PXDNL: variants seen among roughly 807,000 people sequenced by gnomAD.
PXDNL encodes peroxidasin like.
A neutral mutation model predicts 150.8 loss-of-function variants in PXDNL; 145 were observed. The observed-to-expected ratio is 0.96, with a 90% CI of 0.84 to 1.10. The LOEUF is 1.10. PXDNL is among the 50% of genes least tolerant of loss of function. The pLI is 0.00. For synonymous variants in PXDNL, 757 were observed against 725.7 expected (o/e 1.04, Z -0.69); for missense variants, 2,087 against 1,873.9 (o/e 1.11, Z -2.10).
At chr8:51,362,610 T>C (rs1304574346) in intron 19 of PXDNL, among the ~76,000 whole-genome samples, 1 of 152,176 alleles carries the variant, frequency 6.6e-6, no homozygotes, top group Non-Finnish European at 1.5e-5. Context: ...GATGATACAA[T>C]ATTTAGGTCT....
chr8:51,494,304 C>T (rs896989504), intron 5 of PXDNL, among the ~76,000 whole-genome samples: 24 of 152,052 alleles, frequency 1.6e-4, no homozygotes, highest in South Asian at 8.3e-4. Flanking sequence ...AAGGAACAAC[C>T]GGCACCACCC....
intron 4 of PXDNL, among the ~76,000 whole-genome samples, chr8:51,500,106 G>A (rs993203987): frequency 5.3e-5 from 8 of 152,176 alleles, no homozygotes; most frequent in Non-Finnish European, 2.9e-5. Flanking sequence ...CAAAGTTACG[G>A]TAATAATTAA....
chr8:51,561,912 C>T (rs935516564), intron 3 of PXDNL, among the ~76,000 whole-genome samples: 8 of 151,786 alleles, frequency 5.3e-5, no homozygotes, highest in African/African-American at 1.7e-4. Context: ...GTTAAACCGA[C>T]ATAAAATCAT....
chr8:51,772,681 G>A (rs2037311539), intron 1 of PXDNL, among the ~76,000 whole-genome samples: 1 of 152,180 alleles, frequency 6.6e-6, no homozygotes, highest in South Asian at 2.1e-4. Flanking sequence ...GTTGTATGAA[G>A]TCTGTGTGGA....
chr8:51,509,741 TACACACAC>T (rs61492447), intron 4 of PXDNL, among the ~76,000 whole-genome samples: 23 of 143,336 alleles, frequency 1.6e-4, no homozygotes, highest in Middle Eastern at 3.6e-3. Flanking sequence ...TATACATATA[TACACACAC>T]ACACACACAC....
intron 19 of PXDNL, among the ~76,000 whole-genome samples, chr8:51,367,178 C>T (rs931131333): frequency 6.7e-5 from 10 of 149,196 alleles, no homozygotes; most frequent in African/African-American, 5.0e-5. Context: ...ATGATGAAAC[C>T]ATTTCAATTT....
intron 8 of PXDNL, among the ~76,000 whole-genome samples, chr8:51,466,046 A>G (rs912039621): frequency 6.6e-6 from 1 of 152,092 alleles, no homozygotes; most frequent in African/African-American, 2.4e-5. Flanking sequence ...GAAAAAAAAA[A>G]CCTATTCTAA....
chr8:51,421,655 T>A (rs1808957441), intron 14 of PXDNL, among the ~76,000 whole-genome samples: 1 of 152,104 alleles, frequency 6.6e-6, no homozygotes. Flanking sequence ...GCCGAGATTG[T>A]GCCCCTGCAC....
chr8:51,399,361 A>G (rs1563392168), intron 17 of PXDNL, among the ~76,000 whole-genome samples: 1 of 152,248 alleles, frequency 6.6e-6, no homozygotes, highest in Non-Finnish European at 1.5e-5. Context: ...GAGTAAACAA[A>G]TATTTGTATA....
chr8:51,332,053 C>A (rs908318952), intron 21 of PXDNL, among the ~76,000 whole-genome samples: 25 of 152,048 alleles, frequency 1.6e-4, no homozygotes, highest in Non-Finnish European at 4.4e-5. Context: ...ACCACCCAAG[C>A]TAAGAAACGT....
chr8:51,594,044 A>G (rs1261382629), intron 2 of PXDNL, among the ~76,000 whole-genome samples: 2 of 152,226 alleles, frequency 1.3e-5, no homozygotes, highest in African/African-American at 4.8e-5. Context: ...TCTATTGTTC[A>G]AAATCAATTA....
intron 7 of PXDNL, 49 bp downstream of exon 7, chr8:51,474,923 A>C: frequency 2.1e-6 from 3 of 1,412,792 alleles, no homozygotes; most frequent in Non-Finnish European, 2.9e-6. Flanking sequence ...ACAAAAAGAG[A>C]GCAAATGAGA....
chr8:51,424,488 A>G (rs1809039015), intron 13 of PXDNL, among the ~76,000 whole-genome samples: 1 of 151,822 alleles, frequency 6.6e-6, no homozygotes, highest in Admixed American at 6.6e-5. Flanking sequence ...CCTTGTATGT[A>G]CTCATATGTT....
intron 2 of PXDNL, among the ~76,000 whole-genome samples, chr8:51,638,312 C>T (rs1300959373): frequency 6.6e-6 from 1 of 152,134 alleles, no homozygotes; most frequent in African/African-American, 2.4e-5. Flanking sequence ...AAATAACCAG[C>T]TAACATCATA....
chr8:51,572,189 G>T (rs1485445274), intron 3 of PXDNL, among the ~76,000 whole-genome samples: 1 of 151,786 alleles, frequency 6.6e-6, no homozygotes, highest in Non-Finnish European at 1.5e-5. Context: ...ATAAATAATT[G>T]CATGAAAATA....
At chr8:51,368,668 G>T (rs929785420) in intron 19 of PXDNL, among the ~76,000 whole-genome samples, 2 of 152,096 alleles carry the variant, frequency 1.3e-5, no homozygotes, top group South Asian at 2.1e-4. Flanking sequence ...CCCAAACGGA[G>T]GTCTCTATTT....
intron 12 of PXDNL, among the ~76,000 whole-genome samples, chr8:51,428,358 G>T (rs1232859864): frequency 6.6e-6 from 1 of 152,166 alleles, no homozygotes; most frequent in Non-Finnish European, 1.5e-5. Context: ...ATATAGATCA[G>T]ATTATTCTAA....
At position 51,475,079 on chromosome 8, in the gene PXDNL, T is replaced by C. The variant is rs764189283; in HGVS notation, c.587A>G (p.Gln196Arg). The change falls in exon 7 of 23, where the codon CAA becomes CGA. Residue 196 changes from glutamine to arginine, a missense_variant. Physicochemically the swap from Gln to Arg is conservative, Grantham distance 43. Transcript: ENST00000356297. ...CDLMWLGELL[Q>R]GFAQHGHTQA... is the part of the protein sequence containing the mutation. The stretch of plus-strand genomic sequence containing the variant: ...GGTGTGGCCGTGTTGGGCAAAGCCT[T>C]GTAAAAGCTCCCCCAGCCACATCAG... The C allele has an allele frequency of 1.9e-6, 3 of 1,613,886 alleles. No homozygotes were observed. The South Asian group carries it at 3.3e-5, about 18-fold the overall frequency.
intron 19 of PXDNL, among the ~76,000 whole-genome samples, chr8:51,369,161 T>A (rs1232413098): frequency 1.3e-5 from 2 of 152,202 alleles, no homozygotes; most frequent in African/African-American, 4.8e-5. Flanking sequence ...TTCTAGGTCC[T>A]TTAATACACC....
Sources: gnomAD v4.1 joint callset for allele counts (sites outside exome capture counted in the v4.1 genomes callset) on GRCh38, gnomAD v4.1.1 for gene constraint, MANE v1.5 for transcripts, NCBI Gene and HGNC (gene_info 2026-07-23, HGNC 2026-07-21) for gene names.